Variants in STPG2 observed in about 807,000 individuals in gnomAD.
The protein encoded by STPG2 is sperm-tail PG-rich repeat-containing protein 2.
A neutral mutation model predicts 54.2 loss-of-function variants in STPG2; 56 were observed. The ratio of observed to expected loss-of-function variants is 1.03; its 90% CI spans 0.83 to 1.29. The LOEUF is 1.29. Among genes scored for constraint, STPG2 ranks in the 50% most tolerant of loss-of-function variants. The pLI is 0.00. For missense variants in STPG2, 596 were observed against 544.9 expected (o/e 1.09, Z -0.93); for synonymous variants, 200 against 181.8 (o/e 1.10, Z -0.81).
intron 3 of STPG2, among the ~76,000 whole-genome samples, chr4:98,118,761 G>T (rs1739591420): frequency 6.6e-6 from 1 of 152,080 alleles, no homozygotes; most frequent in African/African-American, 2.4e-5. Context: ...ATCTTTTTAT[G>T]CCAGAAAGTA....
chr4:97,919,367 A>G (rs1054252355), intron 8 of STPG2, among the ~76,000 whole-genome samples: 1 of 151,612 alleles, frequency 6.6e-6, no homozygotes, highest in African/African-American at 2.4e-5. Flanking sequence ...TATATAATAG[A>G]GAATATCAAC....
intron 10 of STPG2, among the ~76,000 whole-genome samples, chr4:97,590,211 G>T (rs1413143109): frequency 1.3e-5 from 2 of 152,004 alleles, no homozygotes. Context: ...ACTGTTCCAT[G>T]GAGGGCAGGT....
In STPG2 at chr4:97,791,881, AAAC is replaced by A. The variant is rs138570580; in HGVS notation, c.1204+48889_1204+48891del. Among the ~76,000 whole-genome samples the A allele has an allele frequency of 2.6e-4, 39 of 152,244 alleles. 1 individual carries two copies. In the East Asian group the frequency reaches 7.1e-3, roughly 28 times the overall value. Reference sequence around the variant, plus strand: ...ATTCAAGCTAATGAAAACTGAGGAGAAACAACATTTCCCAAATGATTATAGCAA... The same window carrying A: ...ATTCAAGCTAATGAAAACTGAGGAGAAACATTTCCCAAATGATTATAGCAA... On this transcript the variant is annotated intron_variant, in intron 9 of 10. Transcript: ENST00000295268.
At chr4:97,990,338 TAA>T (rs1438062486) in intron 5 of STPG2, among the ~76,000 whole-genome samples, 2 of 152,108 alleles carry the variant, frequency 1.3e-5, no homozygotes, top group Non-Finnish European at 2.9e-5. Context: ...AGCTCCAAAA[TAA>T]GTCTGTGACA....
At chr4:98,006,085 C>A (rs997250218) in intron 5 of STPG2, among the ~76,000 whole-genome samples, 5 of 152,138 alleles carry the variant, frequency 3.3e-5, no homozygotes, top group Admixed American at 2.0e-4. Flanking sequence ...TTAGAAGGTT[C>A]TCCAGCATGC....
intron 9 of STPG2, among the ~76,000 whole-genome samples, chr4:97,800,615 G>A (rs1727356424): frequency 3.9e-5 from 6 of 152,210 alleles, no homozygotes; most frequent in Admixed American, 3.3e-4. Context: ...TCCCAGTTAG[G>A]CTACTCAGGG....
At chr4:97,743,343 A>G (rs1234452754) in intron 9 of STPG2, among the ~76,000 whole-genome samples, 2 of 151,756 alleles carry the variant, frequency 1.3e-5, no homozygotes, top group Non-Finnish European at 3.0e-5. Context: ...TATTACATTA[A>G]ATACACTCAG....
intron 5 of STPG2, among the ~76,000 whole-genome samples, chr4:97,993,822 C>A (rs949184964): frequency 6.6e-6 from 1 of 151,994 alleles, no homozygotes; most frequent in African/African-American, 2.4e-5. Context: ...AAAGGGTTGC[C>A]TATTTCCAGG....
At chr4:97,547,060 G>C (rs1167490368) in intron 4 of STPG2, among the ~76,000 whole-genome samples, 2 of 152,130 alleles carry the variant, frequency 1.3e-5, no homozygotes, top group Non-Finnish European at 2.9e-5. Context: ...AGAAGAGCTA[G>C]AAGCAGTTGC....
chr4:97,745,254 A>C (rs945019794), intron 9 of STPG2, among the ~76,000 whole-genome samples: 1 of 97,800 alleles, frequency 1.0e-5, no homozygotes, highest in African/African-American at 4.1e-5. Context: ...TAAAAAAAAA[A>C]CAAAAAAACA....
intron 8 of STPG2, among the ~76,000 whole-genome samples, chr4:97,921,091 C>A (rs1727272): frequency 1.3e-5 from 2 of 152,076 alleles, no homozygotes; most frequent in African/African-American, 4.8e-5. Context: ...TAGAAAGTAC[C>A]GGTTTACATT....
intron 10 of STPG2, among the ~76,000 whole-genome samples, chr4:97,670,106 A>G (rs1236803166): frequency 6.6e-6 from 1 of 152,154 alleles, no homozygotes; most frequent in Non-Finnish European, 1.5e-5. Flanking sequence ...AATAAACTTC[A>G]TTAAATTGTT....
chr4:97,581,343 T>C (rs1040192887), intron 10 of STPG2, among the ~76,000 whole-genome samples: 41 of 152,218 alleles, frequency 2.7e-4, no homozygotes, highest in Admixed American at 7.2e-4. Context: ...CAGGCATATC[T>C]CTGGAGTCTC....
intron 10 of STPG2, among the ~76,000 whole-genome samples, chr4:97,687,815 T>C: frequency 6.6e-6 from 1 of 152,120 alleles, no homozygotes; most frequent in East Asian, 1.9e-4. Context: ...AGAACCTGTA[T>C]ATGTTCTAAA....
intron 8 of STPG2, among the ~76,000 whole-genome samples, chr4:97,927,251 C>A (rs145478442): frequency 4.6e-5 from 7 of 152,012 alleles, no homozygotes; most frequent in Admixed American, 4.6e-4. Context: ...AAAGGTAGCA[C>A]AAATTGTTCA....
chr4:97,653,883 A>C (rs887304930), intron 10 of STPG2, among the ~76,000 whole-genome samples: 2 of 152,180 alleles, frequency 1.3e-5, no homozygotes, highest in Non-Finnish European at 2.9e-5. Context: ...GAGCTTTATC[A>C]TATCGGCTAC....
At chr4:97,860,109 A>T (rs2149139584) in intron 8 of STPG2, among the ~76,000 whole-genome samples, 1 of 152,346 alleles carries the variant, frequency 6.6e-6, no homozygotes, top group Non-Finnish European at 1.5e-5. Flanking sequence ...CACCAGTAGC[A>T]TGCTGTCTTG....
At chr4:97,816,221 T>A (rs1727904607) in intron 9 of STPG2, among the ~76,000 whole-genome samples, 1 of 152,192 alleles carries the variant, frequency 6.6e-6, no homozygotes, top group Non-Finnish European at 1.5e-5. Flanking sequence ...TATCCTTTTT[T>A]ATGGCTGCAT....
chr4:98,088,758 G>A (rs927686916), intron 5 of STPG2, among the ~76,000 whole-genome samples: 1 of 149,910 alleles, frequency 6.7e-6, no homozygotes, highest in Middle Eastern at 3.2e-3. Flanking sequence ...AGAGTGAGCT[G>A]TTTATATTCA....
Sources: allele counts gnomAD v4.1 joint callset (sites outside exome capture counted in the v4.1 genomes callset), GRCh38; gene constraint gnomAD v4.1.1; transcripts MANE v1.5; gene names NCBI Gene and HGNC (gene_info 2026-07-23, HGNC 2026-07-21).